Variants in CCDC88C observed in about 807,000 individuals in gnomAD.
The protein encoded by CCDC88C is protein Daple.
Under a neutral mutation model 198.8 loss-of-function variants are expected in CCDC88C, and 131 were observed. The ratio of observed to expected loss-of-function variants is 0.66; its 90% confidence interval spans 0.57 to 0.76. The LOEUF is 0.76. Among genes scored for constraint, CCDC88C ranks in the 30% least tolerant of loss-of-function variants. The probability of loss-of-function intolerance (pLI) is 0.00; values close to 1 mark genes in which losing one functional copy is unlikely to be tolerated. For synonymous variants in CCDC88C, 1,166 were observed against 1,114.7 expected (o/e 1.05, Z -0.92); for missense variants, 2,553 against 2,631.6 (o/e 0.97, Z 0.65).
At chr14:91,281,862 C>T in intron 26 of CCDC88C, among the ~76,000 whole-genome samples, 1 of 152,116 alleles carries the variant, frequency 6.6e-6, no homozygotes, top group Non-Finnish European at 1.5e-5. Flanking sequence ...GTCTCAGAGG[C>T]CAGCCCTGAG....
At chr14:91,410,910 C>T (rs1886755007) in intron 2 of CCDC88C, among the ~76,000 whole-genome samples, 1 of 152,190 alleles carries the variant, frequency 6.6e-6, no homozygotes, top group Admixed American at 6.5e-5. Context: ...ACATCGTGGA[C>T]ATCTCCAGCA....
chr14:91,341,841 A>G (rs1425010394), intron 6 of CCDC88C, among the ~76,000 whole-genome samples: 1 of 152,234 alleles, frequency 6.6e-6, no homozygotes, highest in African/African-American at 2.4e-5. Flanking sequence ...CGCTCAGTGC[A>G]GAGCCCTCCC....
In CCDC88C at chr14:91,342,467, C is replaced by T. The variant is rs200356668; in HGVS notation, c.400-4G>A. On this transcript the variant is annotated splice_polypyrimidine_tract_variant and splice_region_variant and intron_variant, in intron 5 of 29. Transcript: ENST00000389857. ...TGAACTCCTCTTTCCTCTCACACTG[C>T]GGAGGGTTACATGTGTTAATGGAAG... 45 of 1,568,048 alleles carry T rather than the reference C, an allele frequency of 2.9e-5. 1 individual carries two copies. Among genetic ancestry groups the T allele is most frequent in the Middle Eastern group, 3.3e-4 (2 of 5,996 alleles).
At chr14:91,276,468 G>A (rs933970558) in intron 29 of CCDC88C, among the ~76,000 whole-genome samples, 3 of 152,372 alleles carry the variant, frequency 2.0e-5, no homozygotes, top group Non-Finnish European at 4.4e-5. Flanking sequence ...GCAAGGCTGG[G>A]CACAGCACAT....
chr14:91,289,169 G>A lies in CCDC88C; in HGVS notation c.4377C>T (p.Asp1459=), dbSNP rs377506651. 212 of 1,613,730 alleles carry A rather than the reference G, an allele frequency of 1.3e-4. No individual in the cohort carries two copies. Among genetic ancestry groups the A allele is most frequent in the Non-Finnish European group, 1.7e-4 (205 of 1,179,880 alleles). Residue 1459 remains aspartate, a synonymous_variant, in exon 25 of 30, where the codon GAC becomes GAT. Coordinates refer to ENST00000389857, the MANE Select transcript of CCDC88C (RefSeq NM_001080414.4). ...CACAGTTGGAGCCCAGTGCGGGGGTGTCGGGGTTCTCGGCCTGTGATCTGA... is the reference window on the plus strand; with the variant it reads ...CACAGTTGGAGCCCAGTGCGGGGGTATCGGGGTTCTCGGCCTGTGATCTGA... ...QPLRSQAENP[D]TPALGSNCAE...
chr14:91,334,874 C>T (rs1892984682), intron 10 of CCDC88C, among the ~76,000 whole-genome samples: 1 of 152,128 alleles, frequency 6.6e-6, no homozygotes, highest in Admixed American at 6.5e-5. Flanking sequence ...CAAAGCAGCT[C>T]AGCTCCAGGC....
chr14:91,370,932 G>A (rs1240320815), intron 3 of CCDC88C, among the ~76,000 whole-genome samples: 2 of 152,198 alleles, frequency 1.3e-5, no homozygotes, highest in Non-Finnish European at 2.9e-5. Context: ...TCCGCCCTAG[G>A]GCTCCTTATG....
intron 2 of CCDC88C, among the ~76,000 whole-genome samples, chr14:91,409,544 G>A (rs1226157244): frequency 2.7e-5 from 4 of 148,178 alleles, no homozygotes; most frequent in Admixed American, 6.8e-5. Context: ...CTGGAGGGCA[G>A]TGGCACGATC....
intron 3 of CCDC88C, among the ~76,000 whole-genome samples, chr14:91,403,509 C>T (rs562322113): frequency 3.5e-4 from 54 of 152,328 alleles, no homozygotes; most frequent in African/African-American, 1.2e-3. Context: ...CTGCACAGGG[C>T]GGACTTCTGC....
chr14:91,273,347 G>T lies in CCDC88C; in HGVS notation c.5365C>A (p.Pro1789Thr). ...CGGCTGGCAGGTGCATGGGAAGCTG[G>T]GGGCACCGGAGCCTGCCGGGGTCTG... ...LGRPRQAPVP[P>T]ASHAPASRSA... The change falls in exon 30 of 30, where the codon CCA becomes ACA. Residue 1789 changes from proline to threonine, a missense_variant. Physicochemically the swap from Pro to Thr is conservative, Grantham distance 38. Coordinates refer to ENST00000389857, the MANE Select transcript of CCDC88C (RefSeq NM_001080414.4). The surrounding 1 kb of genome is among the most constrained non-coding windows in gnomAD (Gnocchi z 5.6). The T allele has an allele frequency of 6.5e-7, 1 of 1,542,936 alleles. No individual in the cohort carries two copies.
intron 13 of CCDC88C, among the ~76,000 whole-genome samples, chr14:91,319,140 G>A: frequency 6.6e-6 from 1 of 152,178 alleles, no homozygotes; most frequent in East Asian, 1.9e-4. Context: ...CTGACAGCTG[G>A]TGCATTCAGA....
Position 91,324,942 on chromosome 14 carries a change from G to A in CCDC88C, c.1198-19C>T. On this transcript the variant is annotated intron_variant, in intron 11 of 29. Transcript: ENST00000389857. ...CCCGGTCCTGGGGCAAGCAAGAAGA[G>A]GCAAGAAGTGAGGCTGCACAGCTGG... is the stretch of plus-strand genomic sequence containing the variant. 1.2e-6 allele frequency: 2 copies of A among 1,612,994 alleles called. No individual in the cohort carries two copies. The highest frequency in any genetic ancestry group is 1.7e-6 in the Non-Finnish European group (2 of 1,179,880).
rs1416459226 is a variant in CCDC88C, at chr14:91,272,769, G to T, written c.5943C>A (p.Ser1981Arg). Reference protein sequence around the residue: ...QGCSEGLPAKSPGRSPDLAPH... With the variant: ...QGCSEGLPAKRPGRSPDLAPH... ...GAGCCAAATCGGGAGACCGACCTGG[G>T]CTCTTGGCCGGAAGCCCCTCACTGC... The change falls in exon 30 of 30, where the codon AGC (serine) becomes AGA (arginine). Residue 1981 changes from serine to arginine, a missense_variant. By Grantham distance (110) the Ser-to-Arg change is moderately radical. Transcript: ENST00000389857. 6.2e-7 allele frequency: 1 copy of T among 1,607,226 alleles called. No homozygotes were observed. The highest frequency in any genetic ancestry group is 8.5e-7 in the Non-Finnish European group (1 of 1,178,250).
intron 23 of CCDC88C, among the ~76,000 whole-genome samples, chr14:91,291,697 G>T (rs552033917): frequency 1.3e-5 from 2 of 152,152 alleles, no homozygotes; most frequent in East Asian, 3.9e-4. Context: ...ACAGGGGAAT[G>T]AACCAGGGCA....
chr14:91,370,597 G>A (rs1392770475), intron 3 of CCDC88C, among the ~76,000 whole-genome samples: 1 of 152,190 alleles, frequency 6.6e-6, no homozygotes, highest in Non-Finnish European at 1.5e-5. Context: ...CTCCTTGGAA[G>A]AGAACCTCTG....
Position 91,272,637 on chromosome 14 carries a change from G to C in CCDC88C, c.6075C>G (p.Tyr2025Ter). Residue 2025 changes from tyrosine to a stop codon, truncating the protein, a stop_gained, in exon 30 of 30, where the codon TAC becomes TAG. Transcript: ENST00000389857. LOFTEE classifies it high-confidence loss of function. ...GGDPQTVWYE[Y>*]GCV ...AACCACGAGACAGTCACACACAGCC[G>C]TACTCATACCACACGGTCTGCGGAT... The C allele has an allele frequency of 6.2e-7, 1 of 1,610,406 alleles. No individual in the cohort carries two copies. The highest frequency in any genetic ancestry group is 8.5e-7 in the Non-Finnish European group (1 of 1,179,796).
chr14:91,339,206 ATG>A lies in CCDC88C; in HGVS notation c.809+70_809+71del, dbSNP rs1439861177. The A allele has an allele frequency of 1.1e-5, 17 of 1,549,292 alleles. No individual in the cohort carries two copies. Among genetic ancestry groups the A allele is most frequent in the South Asian group, 1.0e-4 (9 of 85,956 alleles). On this transcript the variant is annotated intron_variant, in intron 8 of 29. Coordinates refer to ENST00000389857, the MANE Select transcript of CCDC88C (RefSeq NM_001080414.4). This position sits in a 1 kb window ranked among gnomAD's most constrained non-coding sequence, Gnocchi z 5.8. Reference sequence around the variant, plus strand: ...AGCTGTGCCATTGGCAGCACCACACATGTGAGTCGACACCACACCAGAAACAT... The same window carrying A: ...AGCTGTGCCATTGGCAGCACCACACATGAGTCGACACCACACCAGAAACAT...
rs1201729480 is a variant in CCDC88C at position 91,299,136 on chromosome 14, C to T, written c.3779+791G>A. Among the ~76,000 whole-genome samples the T allele has an allele frequency of 4.6e-5, 7 of 152,156 alleles. No homozygotes were observed. In the East Asian group the frequency reaches 1.2e-3, roughly 25 times the overall value. ...CTCTGGCCACATTTTTGTTACTGAT[C>T]AATACATAACCTTGTTTTATGTGGG... is the stretch of plus-strand genomic sequence containing the variant. On this transcript the variant is annotated intron_variant, in intron 21 of 29. Transcript: ENST00000389857.
At chr14:91,292,668 C>T (rs1005959735) in intron 23 of CCDC88C, among the ~76,000 whole-genome samples, 4 of 152,124 alleles carry the variant, frequency 2.6e-5, no homozygotes, top group Non-Finnish European at 5.9e-5. Flanking sequence ...TTCTTGCCTT[C>T]CCCACACTGA....
Sources: gnomAD v4.1 joint callset for allele counts (sites outside exome capture counted in the v4.1 genomes callset) on GRCh38, gnomAD v4.1.1 for gene constraint, Gnocchi (gnomAD v3.1) non-coding constraint, MANE v1.5 for transcripts, NCBI Gene and HGNC (gene_info 2026-07-23, HGNC 2026-07-21) for gene names.